Variants in EYS observed in about 807,000 individuals in gnomAD.
The protein encoded by EYS is EGF-like photoreceptor maintenance factor.
A neutral mutation model predicts 282.1 loss-of-function variants in EYS; 250 were observed. That is an observed-to-expected ratio of 0.89 (90% confidence interval 0.80 to 0.98). EYS has a LOEUF of 0.98. Among genes scored for constraint, EYS ranks in the 50% least tolerant of loss-of-function variants. EYS has a pLI of 0.00. For missense variants in EYS, 4,016 were observed against 3,709.0 expected (o/e 1.08, Z -2.15); for synonymous variants, 1,355 against 1,282.9 (o/e 1.06, Z -1.20).
At chr6:64,551,164 GTATATACATATATACACACA>G (rs922952826) in intron 26 of EYS, among the ~76,000 whole-genome samples, 3 of 147,488 alleles carry the variant, frequency 2.0e-5, no homozygotes, top group African/African-American at 2.5e-5. Flanking sequence ...ACATATATGT[GTATATACATATATACACACA>G]TATATACATA....
chr6:64,603,012 T>C (rs1462278930), intron 24 of EYS, among the ~76,000 whole-genome samples: 1 of 151,912 alleles, frequency 6.6e-6, no homozygotes, highest in Non-Finnish European at 1.5e-5. Context: ...TATTGCCTCT[T>C]GTGTTGGGTG....
chr6:64,455,459 A>G (rs997365817), intron 26 of EYS, among the ~76,000 whole-genome samples: 21 of 151,760 alleles, frequency 1.4e-4, no homozygotes, highest in Admixed American at 1.1e-3. Context: ...ATTTTATTTT[A>G]AGTTCTGGGA....
chr6:65,013,709 G>A (rs1167857480), intron 13 of EYS, among the ~76,000 whole-genome samples: 7 of 152,038 alleles, frequency 4.6e-5, no homozygotes, highest in Admixed American at 2.0e-4. Flanking sequence ...GACCCCTAGA[G>A]GTGGTGAAGA....
At chr6:64,002,403 G>C (rs1490491653) in intron 33 of EYS, among the ~76,000 whole-genome samples, 1 of 152,180 alleles carries the variant, frequency 6.6e-6, no homozygotes, top group Non-Finnish European at 1.5e-5. Flanking sequence ...CCCTGCCCTT[G>C]CAGTAAAGCA....
At chr6:65,575,478 A>G (rs1764632877) in intron 2 of EYS, among the ~76,000 whole-genome samples, 1 of 151,794 alleles carries the variant, frequency 6.6e-6, no homozygotes, top group Non-Finnish European at 1.5e-5. Context: ...ATAAATGTCT[A>G]CAAAGAAAAA....
intron 2 of EYS, among the ~76,000 whole-genome samples, chr6:65,563,590 G>C (rs1321958519): frequency 6.6e-6 from 1 of 151,372 alleles, no homozygotes; most frequent in East Asian, 1.9e-4. Context: ...TTTATCTAAA[G>C]AAAACCCCAC....
At chr6:64,438,232 T>G (rs1450339685) in intron 27 of EYS, among the ~76,000 whole-genome samples, 2 of 151,800 alleles carry the variant, frequency 1.3e-5, no homozygotes, top group Non-Finnish European at 3.0e-5. Flanking sequence ...TCTCACAGTC[T>G]CTTTGCATTC....
intron 2 of EYS, among the ~76,000 whole-genome samples, chr6:65,610,969 C>T (rs566736444): frequency 2.6e-5 from 4 of 152,088 alleles, no homozygotes; most frequent in Admixed American, 2.6e-4. Flanking sequence ...TGAACTGAAT[C>T]ATTTTATACG....
intron 1 of EYS, among the ~76,000 whole-genome samples, chr6:65,666,890 A>T (rs1768219130): frequency 6.6e-6 from 1 of 150,520 alleles, no homozygotes; most frequent in African/African-American, 2.4e-5. Flanking sequence ...AATAAAAATT[A>T]AAAATAAATA....
At chr6:64,621,432 CAT>C (rs2149852870) in intron 23 of EYS, among the ~76,000 whole-genome samples, 1 of 152,118 alleles carries the variant, frequency 6.6e-6, no homozygotes, top group South Asian at 2.1e-4. Flanking sequence ...AATTGGATAA[CAT>C]AAAATTATTT....
chr6:64,601,722 A>C (rs1766767162), intron 24 of EYS, among the ~76,000 whole-genome samples: 1 of 152,086 alleles, frequency 6.6e-6, no homozygotes, highest in South Asian at 2.1e-4. Flanking sequence ...TTCCCTTTTG[A>C]AAAAACTTGT....
intron 4 of EYS, among the ~76,000 whole-genome samples, chr6:65,493,032 C>T (rs1013437273): frequency 1.3e-5 from 2 of 152,170 alleles, no homozygotes; most frequent in African/African-American, 4.8e-5. Context: ...TCTTCCGCCT[C>T]AGCCTCCCGA....
rs1036764724 is a variant in EYS at position 64,575,143 on chromosome 6, A to C, written c.5644+15080T>G. Among the ~76,000 whole-genome samples, 4 of 152,186 alleles carry C rather than the reference A, an allele frequency of 2.6e-5. No individual in the cohort carries two copies. In the South Asian group the frequency reaches 8.3e-4, roughly 32 times the overall value. The stretch of plus-strand genomic sequence containing the variant: ...AAGTATAGCACCTAGTCATAATCTT[A>C]AATCAAAAGAGTTATTCTTATCATC... On this transcript the variant is annotated intron_variant, in intron 26 of 42. Coordinates refer to ENST00000503581, the MANE Select transcript of EYS (RefSeq NM_001142800.2).
At chr6:64,205,550 T>A (rs933385624) in intron 31 of EYS, among the ~76,000 whole-genome samples, 1 of 152,154 alleles carries the variant, frequency 6.6e-6, no homozygotes, top group Non-Finnish European at 1.5e-5. Flanking sequence ...GAACACATAA[T>A]CTAGATTTGC....
chr6:65,417,354 A>C (rs1767278900), intron 5 of EYS, among the ~76,000 whole-genome samples: 1 of 152,074 alleles, frequency 6.6e-6, no homozygotes, highest in African/African-American at 2.4e-5. Context: ...TTATTAATTC[A>C]GTTTTGGCCA....
chr6:65,258,251 G>A (rs1767524364), intron 12 of EYS, among the ~76,000 whole-genome samples: 5 of 151,906 alleles, frequency 3.3e-5, no homozygotes, highest in Admixed American at 3.3e-4. Context: ...TTAAAAGTGG[G>A]GGGAAAAATC....
chr6:64,423,824 C>T (rs1342427427), intron 28 of EYS, among the ~76,000 whole-genome samples: 1 of 152,022 alleles, frequency 6.6e-6, no homozygotes, highest in Non-Finnish European at 1.5e-5. Context: ...AAAAAAAATT[C>T]TTTAGAGTTG....
intron 31 of EYS, among the ~76,000 whole-genome samples, chr6:64,197,773 T>G (rs944084930): frequency 2.6e-5 from 4 of 151,170 alleles, no homozygotes; most frequent in African/African-American, 4.8e-5. Context: ...AGGATTGATT[T>G]TTTTTTTTGC....
intron 36 of EYS, among the ~76,000 whole-genome samples, chr6:63,811,642 C>A (rs1771049441): frequency 6.6e-6 from 1 of 152,122 alleles, no homozygotes; most frequent in Non-Finnish European, 1.5e-5. Context: ...ATTCACATAT[C>A]CAACCAACTA....
Sources: allele counts gnomAD v4.1 joint callset (sites outside exome capture counted in the v4.1 genomes callset), GRCh38; gene constraint gnomAD v4.1.1; transcripts MANE v1.5; gene names NCBI Gene and HGNC (gene_info 2026-07-23, HGNC 2026-07-21).